ARID2: variants seen among roughly 807,000 people sequenced by gnomAD.
The protein encoded by ARID2 is AT-rich interactive domain-containing protein 2.
A neutral mutation model predicts 184.6 loss-of-function variants in ARID2; 32 were observed. That is an observed-to-expected ratio of 0.17 (90% CI 0.13 to 0.23). The LOEUF is 0.23. Among genes scored for constraint, ARID2 ranks in the 10% least tolerant of loss-of-function variants. ARID2 has a pLI of 1.00. For synonymous variants in ARID2, 836 were observed against 772.6 expected, an observed-to-expected ratio of 1.08 and a Z score of -1.36; for missense variants, 1,696 against 2,197.6, an observed-to-expected ratio of 0.77 and a Z score of 4.56.
chr12:45,892,458 G>A (rs1944312933), intron 18 of ARID2, among the ~76,000 whole-genome samples: 1 of 148,382 alleles, frequency 6.7e-6, no homozygotes, highest in Non-Finnish European at 1.5e-5. Flanking sequence ...ATGGCAAAGA[G>A]ATTTCATATC....
chr12:45,849,958 T>C (rs1943511772), intron 14 of ARID2, 78 bp from the exon 15 acceptor site: 1 of 1,501,658 alleles, frequency 6.7e-7, no homozygotes, highest in East Asian at 2.3e-5. Flanking sequence ...AAAACTATTT[T>C]CTCTTAAGTA....
intron 6 of ARID2, among the ~76,000 whole-genome samples, chr12:45,822,465 G>T (rs1306833269): frequency 6.6e-6 from 1 of 152,146 alleles, no homozygotes; most frequent in East Asian, 1.9e-4. Context: ...GCTTGAGCCT[G>T]GGAATTTGAG....
intron 20 of ARID2, among the ~76,000 whole-genome samples, chr12:45,897,892 T>G (rs1256762191): frequency 6.6e-6 from 1 of 151,374 alleles, no homozygotes; most frequent in Admixed American, 6.6e-5. Flanking sequence ...TTGCCCAGGG[T>G]GGGTTGCAGC....
Position 45,811,511 on chromosome 12 carries a change from A to C in ARID2, c.378A>C (p.Ala126=). 1 of 1,613,956 alleles carries C rather than the reference A, an allele frequency of 6.2e-7. No homozygotes were observed. Among genetic ancestry groups the C allele is most frequent in the Non-Finnish European group, 8.5e-7 (1 of 1,179,852 alleles). Residue 126 remains alanine, a synonymous_variant, in exon 4 of 21, where the codon GCA becomes GCC. Coordinates refer to ENST00000334344, the MANE Select transcript of ARID2 (RefSeq NM_152641.4). The stretch of plus-strand genomic sequence containing the variant: ...CAAAGCCACAGCTTCCTATTGGTGC[A>C]ATTCCATCTTCCTACAATTACCAGC... The part of the protein sequence containing the change: ...GNPKPQLPIG[A]IPSSYNYQQH...
At chr12:45,897,648 T>C (rs759878597) in intron 20 of ARID2, among the ~76,000 whole-genome samples, 159 of 152,250 alleles carry the variant, frequency 1.0e-3, no homozygotes, top group Non-Finnish European at 2.2e-3. Flanking sequence ...TTGAAAGATA[T>C]GTTTACACCA....
At chr12:45,835,698 G>C (rs887245442) in intron 6 of ARID2, among the ~76,000 whole-genome samples, 1 of 152,096 alleles carries the variant, frequency 6.6e-6, no homozygotes, top group African/African-American at 2.4e-5. Context: ...TCAAGAGATT[G>C]AGACCATCCT....
chr12:45,847,565 A>G (rs1031589110), intron 12 of ARID2, among the ~76,000 whole-genome samples: 7 of 152,106 alleles, frequency 4.6e-5, no homozygotes, highest in African/African-American at 9.6e-5. Flanking sequence ...CAACATTAGT[A>G]TGAAGTTCGG....
At chr12:45,766,927 C>T (rs1941783104) in intron 3 of ARID2, among the ~76,000 whole-genome samples, 1 of 150,748 alleles carries the variant, frequency 6.6e-6, no homozygotes, top group South Asian at 2.1e-4. Context: ...AAGATCGCGC[C>T]ATTGCACTCC....
chr12:45,768,300 G>C (rs1941808800), intron 3 of ARID2, among the ~76,000 whole-genome samples: 1 of 152,064 alleles, frequency 6.6e-6, no homozygotes. Context: ...TGGTACAGAG[G>C]CTGTACCTGT....
At chr12:45,847,654 C>T (rs144271779) in intron 12 of ARID2, among the ~76,000 whole-genome samples, 1 of 152,132 alleles carries the variant, frequency 6.6e-6, no homozygotes, top group East Asian at 1.9e-4. Flanking sequence ...ATTTCTTGAT[C>T]ACTTTTCTGC....
intron 3 of ARID2, among the ~76,000 whole-genome samples, chr12:45,748,261 C>A (rs551759555): frequency 6.6e-6 from 1 of 151,978 alleles, no homozygotes; most frequent in Non-Finnish European, 1.5e-5. Context: ...TATGATGGTG[C>A]ATATCTGTGG....
intron 3 of ARID2, among the ~76,000 whole-genome samples, chr12:45,747,606 A>G (rs1216524961): frequency 6.6e-6 from 1 of 152,152 alleles, no homozygotes; most frequent in Non-Finnish European, 1.5e-5. Flanking sequence ...TGGGAAATCT[A>G]ATTTGGGAAA....
At chr12:45,767,162 T>G (rs142965423) in intron 3 of ARID2, among the ~76,000 whole-genome samples, 1 of 152,214 alleles carries the variant, frequency 6.6e-6, no homozygotes, top group Non-Finnish European at 1.5e-5. Flanking sequence ...AGTACTGTTA[T>G]ATTCTTATTT....
At chr12:45,870,267 C>T (rs562154102) in intron 16 of ARID2, among the ~76,000 whole-genome samples, 10 of 152,220 alleles carry the variant, frequency 6.6e-5, no homozygotes, top group African/African-American at 1.7e-4. Flanking sequence ...GGATTACAGG[C>T]GTGAGCCACT....
chr12:45,770,239 C>T (rs886752572), intron 3 of ARID2, among the ~76,000 whole-genome samples: 1 of 150,898 alleles, frequency 6.6e-6, no homozygotes, highest in African/African-American at 2.4e-5. Flanking sequence ...GGCGACAGAG[C>T]GAGACTCCAT....
chr12:45,777,264 G>A (rs2138032950), intron 3 of ARID2, among the ~76,000 whole-genome samples: 1 of 152,186 alleles, frequency 6.6e-6, no homozygotes, highest in Middle Eastern at 3.4e-3. Flanking sequence ...ATTGTATAGA[G>A]ATGTTCTTTT....
chr12:45,852,596 A>G lies in ARID2; in HGVS notation c.4473A>G (p.Ser1491=). Residue 1491 remains serine (S), a synonymous_variant, in exon 15 of 21, where the codon TCA becomes TCG. Transcript: ENST00000334344. ...TCATAGCAGTTCCCGACTCAGGATC[A>G]AAAGTATCCCATTCTCCTGCCCTAT... is the stretch of plus-strand genomic sequence containing the variant. ...HQIIAVPDSG[S]KVSHSPALSS... The G allele has an allele frequency of 6.2e-7, 1 of 1,614,204 alleles. No homozygotes were observed. The highest frequency in any genetic ancestry group is 8.5e-7 in the Non-Finnish European group (1 of 1,180,010).
chr12:45,797,635 T>G (rs1338549660), intron 3 of ARID2, among the ~76,000 whole-genome samples: 1 of 152,160 alleles, frequency 6.6e-6, no homozygotes, highest in East Asian at 1.9e-4. Flanking sequence ...ATAAATATAT[T>G]GACACATTTT....
intron 3 of ARID2, among the ~76,000 whole-genome samples, chr12:45,781,355 C>G (rs934794927): frequency 2.5e-3 from 6 of 2,366 alleles, no homozygotes; most frequent in Non-Finnish European, 6.2e-3. Flanking sequence ...TCCTTGTGGC[C>G]CATTGAAATG....
Sources: gnomAD v4.1 joint callset for allele counts (sites outside exome capture counted in the v4.1 genomes callset) on GRCh38, gnomAD v4.1.1 for gene constraint, MANE v1.5 for transcripts, NCBI Gene and HGNC (gene_info 2026-07-23, HGNC 2026-07-21) for gene names.